Variants in LRP6 observed in about 807,000 individuals in gnomAD.
LRP6 encodes the protein LDL receptor related protein 6, also known as low-density lipoprotein receptor-related protein 6.
A neutral mutation model predicts 184.1 loss-of-function variants in LRP6; 43 were observed. The ratio of observed to expected loss-of-function variants is 0.23; its 90% confidence interval spans 0.18 to 0.30. LRP6 has a LOEUF of 0.30. Ranked by LOEUF, LRP6 falls within the 10% of genes least tolerant of loss-of-function variation. LRP6 has a pLI of 1.00. For missense variants in LRP6, 1,571 were observed against 2,005.3 expected (o/e 0.78, Z 4.14); for synonymous variants, 719 against 684.9 (o/e 1.05, Z -0.78).
At chr12:12,186,800 C>T in intron 4 of LRP6, 123 bp downstream of exon 4, 1 of 916,752 alleles carries the variant, frequency 1.1e-6, no homozygotes, top group South Asian at 1.4e-5. Flanking sequence ...GATTTTAACT[C>T]TTTTTTATTC....
intron 12 of LRP6, among the ~76,000 whole-genome samples, chr12:12,154,596 G>A (rs962932885): frequency 6.6e-6 from 1 of 152,146 alleles, no homozygotes; most frequent in Non-Finnish European, 1.5e-5. Flanking sequence ...CTAGCGCAGT[G>A]GCATGTGCTC....
At position 12,259,519 on chromosome 12, in the gene LRP6, T is replaced by C. The variant is rs1475115162; in HGVS notation, c.55+7162A>G. On this transcript the variant is annotated intron_variant, in intron 1 of 22. Transcript: ENST00000261349. ...CGCTAAAAGGATCACAGCATCAAAG[T>C]ATCAATAATTTTCACCGAAGAGTCC... 5.9e-5 allele frequency among the ~76,000 whole-genome samples: 9 copies of C among 152,014 alleles called. No homozygotes were observed. In the East Asian group the frequency reaches 1.4e-3, roughly 23 times the overall value.
chr12:12,220,287 C>CAA (rs924870246), intron 2 of LRP6, among the ~76,000 whole-genome samples: 4 of 126,484 alleles, frequency 3.2e-5, no homozygotes, highest in Non-Finnish European at 3.4e-5. Context: ...GAACCTGCCT[C>CAA]AAAAAAAAAA....
chr12:12,153,335 T>G (rs7980348), intron 12 of LRP6, among the ~76,000 whole-genome samples: 11,251 of 152,156 alleles, frequency 0.074, 1,316 homozygotes, highest in African/African-American at 0.25. Context: ...TTAAAAGACT[T>G]AGAAGAAAGA....
intron 1 of LRP6, among the ~76,000 whole-genome samples, chr12:12,255,674 G>A (rs181229388): frequency 1.3e-5 from 2 of 149,644 alleles, no homozygotes; most frequent in Admixed American, 6.7e-5. Context: ...AGGTTCAAGC[G>A]ATTCTCCCTC....
At chr12:12,259,680 AT>A (rs1865564370) in intron 1 of LRP6, among the ~76,000 whole-genome samples, 1 of 152,226 alleles carries the variant, frequency 6.6e-6, no homozygotes, top group Admixed American at 6.5e-5. Flanking sequence ...GTTTCCTTGC[AT>A]TTATGTACTG....
At chr12:12,143,369 C>T (rs1237430600) in intron 15 of LRP6, among the ~76,000 whole-genome samples, 2 of 152,076 alleles carry the variant, frequency 1.3e-5, no homozygotes, top group Non-Finnish European at 2.9e-5. Context: ...ACCCAATGAA[C>T]ATCTTAGTAT....
intron 2 of LRP6, among the ~76,000 whole-genome samples, chr12:12,240,528 C>T (rs377395748): frequency 3.9e-5 from 6 of 152,000 alleles, no homozygotes; most frequent in East Asian, 3.9e-4. Context: ...GCCAAGATCG[C>T]GCCACTGCAC....
At chr12:12,243,500 T>G (rs925135583) in intron 2 of LRP6, among the ~76,000 whole-genome samples, 1 of 152,218 alleles carries the variant, frequency 6.6e-6, no homozygotes, top group Non-Finnish European at 1.5e-5. Context: ...ACTTCTCATT[T>G]CATTCCTTCT....
intron 1 of LRP6, among the ~76,000 whole-genome samples, chr12:12,251,192 G>A (rs563022019): frequency 3.9e-5 from 6 of 152,144 alleles, no homozygotes; most frequent in East Asian, 1.9e-4. Context: ...CTCGGCCTCC[G>A]AAGTGCTGGG....
At chr12:12,263,746 A>C (rs1186457622) in intron 1 of LRP6, among the ~76,000 whole-genome samples, 1 of 151,906 alleles carries the variant, frequency 6.6e-6, no homozygotes, top group Non-Finnish European at 1.5e-5. Flanking sequence ...AGGTGGGAAG[A>C]TCACATGAAC....
chr12:12,187,266 A>G (rs1222054815), intron 3 of LRP6, 147 bp from the exon 4 acceptor site: 2 of 685,308 alleles, frequency 2.9e-6, no homozygotes, highest in Non-Finnish European at 5.2e-6. Flanking sequence ...TACACCTATA[A>G]AAAATAATTC....
At chr12:12,207,904 A>G (rs1343939117) in intron 2 of LRP6, among the ~76,000 whole-genome samples, 1 of 152,210 alleles carries the variant, frequency 6.6e-6, no homozygotes, top group Non-Finnish European at 1.5e-5. Context: ...GACCACTAAG[A>G]TAACAGTGAC....
At chr12:12,250,351 A>G (rs1402416393) in intron 1 of LRP6, among the ~76,000 whole-genome samples, 2 of 152,106 alleles carry the variant, frequency 1.3e-5, no homozygotes, top group Admixed American at 1.3e-4. Context: ...TGCCTACTCC[A>G]TACTTCTCTT....
chr12:12,127,077 G>A lies in LRP6; in HGVS notation c.4082-156C>T, dbSNP rs144585832. On this transcript the variant is annotated intron_variant, in intron 19 of 22. Coordinates refer to ENST00000261349, the MANE Select transcript of LRP6 (RefSeq NM_002336.3). ...TTTTTTATGAGTACATACATACCAC[G>A]CCCTGAAGACATATGAAATAAATGT... Among the ~76,000 whole-genome samples, 23 of 152,120 alleles carry A rather than the reference G, an allele frequency of 1.5e-4. No homozygotes were observed. In the South Asian group the frequency reaches 4.4e-3, roughly 29 times the overall value.
At position 12,175,401 on chromosome 12, in the gene LRP6, TA is replaced by T. The variant is rs560987727; in HGVS notation, c.1545+4408del. Reference sequence around the variant, plus strand: ...GAGACCCTGTCTCAAAAAATAAAAATAAAAAAGGCCGGGCACAGTAGCTCAT... The same window carrying T: ...GAGACCCTGTCTCAAAAAATAAAAATAAAAAGGCCGGGCACAGTAGCTCAT... On this transcript the variant is annotated intron_variant, in intron 7 of 22. Transcript: ENST00000261349. Among the ~76,000 whole-genome samples the T allele has an allele frequency of 5.4e-5, 7 of 129,500 alleles. No individual in the cohort carries two copies. The East Asian group carries it at 1.7e-3, about 31-fold the overall frequency. 85.0% of individuals were successfully genotyped at this position (129,500 alleles called of 152,430 possible). A position where few individuals can be genotyped will look rare whatever the true frequency, so the allele number is the denominator to read the frequency against.
At chr12:12,221,480 C>G (rs1216276792) in intron 2 of LRP6, among the ~76,000 whole-genome samples, 3 of 152,192 alleles carry the variant, frequency 2.0e-5, no homozygotes, top group Non-Finnish European at 2.9e-5. Context: ...GCATCAGCAA[C>G]ATCATGAAAT....
intron 1 of LRP6, chr12:12,249,255 TATGA>T (rs1475249628): frequency 8.5e-6 from 8 of 940,048 alleles, no homozygotes; most frequent in South Asian, 1.3e-5. Context: ...AAAAAATTAA[TATGA>T]ATGGAGTTAA....
chr12:12,146,408 A>G (rs1284599917), intron 15 of LRP6, among the ~76,000 whole-genome samples: 1 of 152,204 alleles, frequency 6.6e-6, no homozygotes, highest in Non-Finnish European at 1.5e-5. Context: ...ACAGACACAA[A>G]TAGTATATTT....
Sources: gnomAD v4.1 joint callset for allele counts (sites outside exome capture counted in the v4.1 genomes callset) on GRCh38, gnomAD v4.1.1 for gene constraint, MANE v1.5 for transcripts, NCBI Gene and HGNC (gene_info 2026-07-23, HGNC 2026-07-21) for gene names.